KCNK2: variants seen among roughly 807,000 people sequenced by gnomAD.
KCNK2 encodes the protein potassium two pore domain channel subfamily K member 2, also known as potassium channel subfamily K member 2.
In KCNK2, 21 loss-of-function variants were observed where a neutral mutation model predicts 40.5. The ratio of observed to expected loss-of-function variants is 0.52; its 90% CI spans 0.37 to 0.75. KCNK2 has a LOEUF of 0.75. KCNK2 is among the 30% of genes least tolerant of loss of function. The pLI is 0.00. For synonymous variants in KCNK2, 191 were observed against 202.2 expected, an observed-to-expected ratio of 0.94 and a Z score of 0.47; for missense variants, 399 against 531.6, an observed-to-expected ratio of 0.75 and a Z score of 2.45.
At chr1:215,226,118 G>T (rs1666374558) in intron 6 of KCNK2, among the ~76,000 whole-genome samples, 1 of 152,128 alleles carries the variant, frequency 6.6e-6, no homozygotes, top group Admixed American at 6.5e-5. Flanking sequence ...GACATTATTT[G>T]AGATATGTTA....
chr1:215,057,951 G>T (rs1571875223), intron 1 of KCNK2, among the ~76,000 whole-genome samples: 1 of 152,138 alleles, frequency 6.6e-6, no homozygotes, highest in Admixed American at 6.5e-5. Flanking sequence ...GACAATGAGG[G>T]TGATGGTGAG....
chr1:215,068,861 CTT>C (rs74778495), intron 1 of KCNK2, among the ~76,000 whole-genome samples: 1 of 152,142 alleles, frequency 6.6e-6, no homozygotes, highest in African/African-American at 2.4e-5. Flanking sequence ...TATTTTCACA[CTT>C]TGATCCCCTT....
intron 6 of KCNK2, among the ~76,000 whole-genome samples, chr1:215,224,064 A>G (rs983440264): frequency 6.6e-6 from 1 of 152,164 alleles, no homozygotes; most frequent in African/African-American, 2.4e-5. Context: ...GTCTAAGTTT[A>G]TATAGATAAG....
chr1:215,032,287 G>A (rs1657229219), intron 1 of KCNK2, among the ~76,000 whole-genome samples: 1 of 151,942 alleles, frequency 6.6e-6, no homozygotes, highest in Non-Finnish European at 1.5e-5. Flanking sequence ...GAACATGTCT[G>A]TGGTCCCAGC....
At chr1:215,163,291 T>G (rs926971787) in intron 3 of KCNK2, among the ~76,000 whole-genome samples, 12 of 152,214 alleles carry the variant, frequency 7.9e-5, no homozygotes, top group Non-Finnish European at 1.6e-4. Flanking sequence ...TTTGCTGAAG[T>G]TGCTTATCAA....
chr1:215,022,182 G>A (rs1036246608), intron 1 of KCNK2, among the ~76,000 whole-genome samples: 4 of 111,362 alleles, frequency 3.6e-5, no homozygotes, highest in Non-Finnish European at 6.4e-5. Flanking sequence ...TTTCCTAGGA[G>A]CACTCTAACA....
intron 2 of KCNK2, among the ~76,000 whole-genome samples, chr1:215,102,483 T>C (rs1377819939): frequency 1.3e-5 from 2 of 152,018 alleles, no homozygotes; most frequent in Non-Finnish European, 2.9e-5. Context: ...TTTTAAAGTT[T>C]GCAAAATAAA....
At chr1:215,060,911 T>A (rs983932777) in intron 1 of KCNK2, among the ~76,000 whole-genome samples, 1 of 152,194 alleles carries the variant, frequency 6.6e-6, no homozygotes. Flanking sequence ...TATTTATATA[T>A]TTTTAAAATT....
intron 1 of KCNK2, among the ~76,000 whole-genome samples, chr1:215,020,507 C>T (rs1457372795): frequency 1.3e-5 from 2 of 152,126 alleles, no homozygotes; most frequent in African/African-American, 4.8e-5. Context: ...CTCATTGCAA[C>T]CCCTGCCTCC....
intron 1 of KCNK2, among the ~76,000 whole-genome samples, chr1:215,021,794 C>T (rs912120580): frequency 5.3e-5 from 8 of 152,108 alleles, no homozygotes; most frequent in African/African-American, 1.2e-4. Context: ...GTCATCCGCC[C>T]GCCTCGGCCT....
chr1:215,121,562 G>A (rs1047758623), intron 2 of KCNK2, among the ~76,000 whole-genome samples: 13 of 152,196 alleles, frequency 8.5e-5, no homozygotes, highest in African/African-American at 2.4e-4. Context: ...GGCAGGAGCC[G>A]CCACACTTGG....
intron 3 of KCNK2, among the ~76,000 whole-genome samples, chr1:215,136,535 A>G (rs1661924415): frequency 6.6e-6 from 1 of 152,234 alleles, no homozygotes; most frequent in Non-Finnish European, 1.5e-5. Context: ...GCTAAGATAT[A>G]TTCTGTGACA....
chr1:215,045,050 G>GC (rs1301037821), intron 1 of KCNK2, among the ~76,000 whole-genome samples: 3 of 151,894 alleles, frequency 2.0e-5, no homozygotes, highest in African/African-American at 7.2e-5. Flanking sequence ...GGGTGCAGTG[G>GC]CGGGCGCCTG....
At chr1:215,084,979 A>G (rs1659367427) in intron 1 of KCNK2, among the ~76,000 whole-genome samples, 1 of 152,206 alleles carries the variant, frequency 6.6e-6, no homozygotes, top group Non-Finnish European at 1.5e-5. Context: ...ATGGGGAATT[A>G]CAGATGTATT....
intron 1 of KCNK2, among the ~76,000 whole-genome samples, chr1:215,069,880 A>T (rs891193410): frequency 6.6e-6 from 1 of 152,210 alleles, no homozygotes; most frequent in Non-Finnish European, 1.5e-5. Flanking sequence ...CTTGGTGTGA[A>T]TTAAAATGCT....
At chr1:215,189,572 C>A (rs1306906697) in intron 5 of KCNK2, among the ~76,000 whole-genome samples, 1 of 152,074 alleles carries the variant, frequency 6.6e-6, no homozygotes, top group Non-Finnish European at 1.5e-5. Flanking sequence ...TTCTTGAATG[C>A]TAAAATTTAA....
chr1:215,125,564 A>G (rs1009609198), intron 3 of KCNK2, among the ~76,000 whole-genome samples: 1 of 151,872 alleles, frequency 6.6e-6, no homozygotes. Context: ...CAGGAAGGGG[A>G]ACATCACACA....
At chr1:215,203,797 G>A (rs1665181497) in intron 6 of KCNK2, among the ~76,000 whole-genome samples, 1 of 151,680 alleles carries the variant, frequency 6.6e-6, no homozygotes, top group African/African-American at 2.4e-5. Flanking sequence ...GTTTCTCTTT[G>A]GGAGGCCGAG....
intron 2 of KCNK2, among the ~76,000 whole-genome samples, chr1:215,099,677 C>T (rs1445117518): frequency 6.6e-6 from 1 of 151,930 alleles, no homozygotes; most frequent in Non-Finnish European, 1.5e-5. Flanking sequence ...GACCCCATCA[C>T]ATGACCACAC....
Sources: gnomAD v4.1 joint callset for allele counts (sites outside exome capture counted in the v4.1 genomes callset) on GRCh38, gnomAD v4.1.1 for gene constraint, MANE v1.5 for transcripts, NCBI Gene and HGNC (gene_info 2026-07-23, HGNC 2026-07-21) for gene names.